Variants in CLSTN2 observed in about 807,000 individuals in gnomAD.
CLSTN2 encodes calsyntenin 2, also known as calsyntenin-2.
A neutral mutation model predicts 101.2 loss-of-function variants in CLSTN2; 48 were observed. That is an observed-to-expected ratio of 0.47 (90% confidence interval 0.38 to 0.60). The LOEUF (loss-of-function observed/expected upper bound fraction) is 0.60. CLSTN2 is among the 20% of genes least tolerant of loss of function. The pLI is 0.00. For synonymous variants in CLSTN2, 481 were observed against 463.6 expected (o/e 1.04, Z -0.48); for missense variants, 1,160 against 1,238.2 (o/e 0.94, Z 0.95).
intron 2 of CLSTN2, among the ~76,000 whole-genome samples, chr3:140,240,172 C>CTATATA (rs1456012774): frequency 7.3e-5 from 1 of 13,774 alleles, no homozygotes; most frequent in African/African-American, 9.6e-5. Flanking sequence ...CTCTCTCTCT[C>CTATATA]TCTATATATA....
At chr3:140,049,785 A>T (rs975627672) in intron 1 of CLSTN2, among the ~76,000 whole-genome samples, 1 of 152,238 alleles carries the variant, frequency 6.6e-6, no homozygotes, top group African/African-American at 2.4e-5. Context: ...GTGACCCCTC[A>T]AAAGGTGATC....
intron 2 of CLSTN2, among the ~76,000 whole-genome samples, chr3:140,346,580 A>G (rs375302446): frequency 6.6e-6 from 1 of 152,238 alleles, no homozygotes; most frequent in South Asian, 2.1e-4. Flanking sequence ...GGATTAAGTA[A>G]GCAAGTTTAG....
intron 2 of CLSTN2, among the ~76,000 whole-genome samples, chr3:140,319,943 A>AT (rs755065925): frequency 5.3e-5 from 8 of 152,196 alleles, no homozygotes; most frequent in Non-Finnish European, 1.0e-4. Context: ...TGGCTTTTCC[A>AT]TTTTATTGCA....
chr3:140,047,018 A>G (rs1360814549), intron 1 of CLSTN2, among the ~76,000 whole-genome samples: 1 of 152,176 alleles, frequency 6.6e-6, no homozygotes, highest in Non-Finnish European at 1.5e-5. Context: ...TAATAAAATG[A>G]AGAAAAAGTC....
intron 1 of CLSTN2, among the ~76,000 whole-genome samples, chr3:140,162,295 A>C (rs1011936480): frequency 3.3e-5 from 5 of 152,196 alleles, no homozygotes; most frequent in African/African-American, 1.2e-4. Context: ...CATAAAACAC[A>C]CAGCATCTTT....
chr3:140,469,756 G>A (rs1933792573), intron 8 of CLSTN2, among the ~76,000 whole-genome samples: 1 of 152,160 alleles, frequency 6.6e-6, no homozygotes. Context: ...CCTAGTAAAT[G>A]TTTGCATAAC....
chr3:139,944,643 T>A (rs1044455692), intron 1 of CLSTN2, among the ~76,000 whole-genome samples: 8 of 152,250 alleles, frequency 5.3e-5, no homozygotes, highest in Non-Finnish European at 1.2e-4. Flanking sequence ...TGCCCAGCAC[T>A]GTCCAAGGCC....
chr3:140,420,523 A>G (rs2088489911), intron 4 of CLSTN2, among the ~76,000 whole-genome samples: 1 of 152,192 alleles, frequency 6.6e-6, no homozygotes. Context: ...ACAACTCAGA[A>G]AAAAGTTACT....
intron 2 of CLSTN2, among the ~76,000 whole-genome samples, chr3:140,280,038 C>A (rs1241355356): frequency 6.6e-6 from 1 of 152,218 alleles, no homozygotes; most frequent in Non-Finnish European, 1.5e-5. Context: ...TTGTTCAACT[C>A]TTTGCTTACA....
chr3:140,248,422 G>A (rs894930347), intron 2 of CLSTN2, among the ~76,000 whole-genome samples: 18 of 152,182 alleles, frequency 1.2e-4, no homozygotes, highest in African/African-American at 2.9e-4. Flanking sequence ...CAGCACTAGA[G>A]GAGGCTAAGG....
intron 2 of CLSTN2, among the ~76,000 whole-genome samples, chr3:140,349,130 G>T (rs898688387): frequency 6.6e-6 from 1 of 152,214 alleles, no homozygotes; most frequent in African/African-American, 2.4e-5. Context: ...CTTCTCCCCA[G>T]TTCCCTCTGT....
At chr3:140,457,082 C>T (rs1188765812) in intron 6 of CLSTN2, among the ~76,000 whole-genome samples, 1 of 152,086 alleles carries the variant, frequency 6.6e-6, no homozygotes, top group Non-Finnish European at 1.5e-5. Context: ...AAAAAAGGAC[C>T]CTCTGGTGGT....
intron 6 of CLSTN2, among the ~76,000 whole-genome samples, chr3:140,452,224 T>A (rs776490450): frequency 3.9e-5 from 6 of 152,202 alleles, no homozygotes; most frequent in Middle Eastern, 3.4e-3. Flanking sequence ...AAGATCAGCC[T>A]CTACCCTGCT....
At chr3:140,220,338 C>A (rs2086256439) in intron 2 of CLSTN2, among the ~76,000 whole-genome samples, 1 of 152,186 alleles carries the variant, frequency 6.6e-6, no homozygotes, top group Non-Finnish European at 1.5e-5. Context: ...GCCTGTAATG[C>A]TGGTGGGGGC....
chr3:140,239,421 C>A (rs1040621102), intron 2 of CLSTN2, among the ~76,000 whole-genome samples: 4 of 152,088 alleles, frequency 2.6e-5, no homozygotes, highest in Non-Finnish European at 4.4e-5. Context: ...TTTCTTAATG[C>A]TTAGAAATTT....
intron 2 of CLSTN2, among the ~76,000 whole-genome samples, chr3:140,281,379 C>CA (rs1303808487): frequency 2.0e-5 from 3 of 151,934 alleles, no homozygotes; most frequent in Admixed American, 6.6e-5. Flanking sequence ...AAAGCAAAAA[C>CA]AAAAAAATAT....
intron 8 of CLSTN2, among the ~76,000 whole-genome samples, chr3:140,485,269 C>T (rs930210664): frequency 3.3e-5 from 5 of 152,302 alleles, no homozygotes; most frequent in East Asian, 1.9e-4. Context: ...TGCAGAACAG[C>T]GGATATTGGT....
At chr3:140,071,019 C>T (rs905122144) in intron 1 of CLSTN2, among the ~76,000 whole-genome samples, 4 of 152,134 alleles carry the variant, frequency 2.6e-5, no homozygotes, top group East Asian at 1.9e-4. Context: ...AAGATTGGCA[C>T]GGCAAGACTA....
chr3:140,202,490 C>A (rs1325162078), intron 2 of CLSTN2, among the ~76,000 whole-genome samples: 2 of 152,078 alleles, frequency 1.3e-5, no homozygotes, highest in Non-Finnish European at 2.9e-5. Flanking sequence ...AGGAAGGATG[C>A]GGGTGGAGTA....
Sources: allele counts gnomAD v4.1 joint callset (sites outside exome capture counted in the v4.1 genomes callset), GRCh38; gene constraint gnomAD v4.1.1; transcripts MANE v1.5; gene names NCBI Gene and HGNC (gene_info 2026-07-23, HGNC 2026-07-21).